Variants in GPHN observed in about 807,000 individuals in gnomAD.
GPHN encodes the protein gephyrin.
A neutral mutation model predicts 95.5 loss-of-function variants in GPHN; 17 were observed. The observed-to-expected ratio is 0.18, with a 90% CI of 0.12 to 0.27. The LOEUF (loss-of-function observed/expected upper bound fraction) is 0.27. Among genes scored for constraint, GPHN ranks in the 10% least tolerant of loss-of-function variants. The probability of loss-of-function intolerance (pLI) is 1.00; values close to 1 mark genes in which losing one functional copy is unlikely to be tolerated. For synonymous variants in GPHN, 320 were observed against 322.5 expected (o/e 0.99, Z 0.08); for missense variants, 660 against 978.1 (o/e 0.67, Z 4.34).
rs199941391 is a variant in GPHN at position 67,165,196 on chromosome 14, G to A, written c.1945G>A (p.Gly649Ser). ...PTTFATLDID[G>S]VRKIIFALPG... ...AACATTTGCAACTTTGGATATTGAT[G>A]GTGTAAGAAAAATAATCTTTGCACT... The change falls in exon 20 of 23, where the codon GGT becomes AGT. Residue 649 changes from glycine to serine, a missense_variant. Physicochemically the swap from Gly to Ser is moderately conservative, Grantham distance 56. Coordinates refer to ENST00000478722, the MANE Select transcript of GPHN (RefSeq NM_020806.5). 27 of 1,610,590 alleles carry A rather than the reference G, an allele frequency of 1.7e-5. No individual in the cohort carries two copies. The highest frequency in any genetic ancestry group is 2.2e-5 in the Non-Finnish European group (26 of 1,177,036).
At chr14:67,577,765 GT>G in the GPHN span, among the ~76,000 whole-genome samples, 1 of 151,740 alleles carries the variant, frequency 6.6e-6, no homozygotes, top group Non-Finnish European at 1.5e-5. Context: ...TTCTGTTTTT[GT>G]TTTTGTTTTT....
intron 19 of GPHN, among the ~76,000 whole-genome samples, chr14:67,160,366 G>A (rs2081901882): frequency 6.6e-6 from 1 of 151,804 alleles, no homozygotes; most frequent in Non-Finnish European, 1.5e-5. Context: ...GTTTCATTAA[G>A]TAGGCTTTCA....
intron 8 of GPHN, 54 bp downstream of exon 8, chr14:66,924,346 T>G: frequency 1.1e-6 from 1 of 947,232 alleles, no homozygotes; most frequent in South Asian, 1.3e-5. Flanking sequence ...TTCTACTTCC[T>G]CTCCTTGGAG....
intron 10 of GPHN, among the ~76,000 whole-genome samples, chr14:67,036,970 A>G (rs1280878645): frequency 6.6e-6 from 1 of 152,014 alleles, no homozygotes; most frequent in African/African-American, 2.4e-5. Context: ...GTCCTGGGAC[A>G]ACCAAAATAA....
the GPHN span, among the ~76,000 whole-genome samples, chr14:67,632,730 G>C: frequency 6.8e-6 from 1 of 147,846 alleles, no homozygotes; most frequent in South Asian, 2.2e-4. Flanking sequence ...AATTTGAAAA[G>C]CACACAAATA....
chr14:66,855,488 T>C (rs1230368251), intron 4 of GPHN, among the ~76,000 whole-genome samples: 1 of 152,196 alleles, frequency 6.6e-6, no homozygotes, highest in East Asian at 1.9e-4. Flanking sequence ...TGAATAATAT[T>C]CTATTATATG....
the GPHN span, chr14:67,201,666 T>C: frequency 2.6e-6 from 1 of 386,034 alleles, no homozygotes; most frequent in Non-Finnish European, 5.2e-6. Context: ...ATTTAATCCC[T>C]GAGCTGGGTC....
the GPHN span, among the ~76,000 whole-genome samples, chr14:67,325,825 T>TC: frequency 6.6e-6 from 1 of 151,930 alleles, no homozygotes; most frequent in East Asian, 1.9e-4. Flanking sequence ...TTTTTTTTTT[T>TC]TGAGACAGAG....
chr14:66,780,885 A>T (rs2059580118), intron 3 of GPHN, among the ~76,000 whole-genome samples: 1 of 152,208 alleles, frequency 6.6e-6, no homozygotes, highest in Non-Finnish European at 1.5e-5. Flanking sequence ...GTAATCTTAA[A>T]TTGTCTAAAC....
the GPHN span, among the ~76,000 whole-genome samples, chr14:67,250,904 G>GA: frequency 1.3e-5 from 2 of 152,124 alleles, no homozygotes; most frequent in Non-Finnish European, 2.9e-5. Flanking sequence ...CTCTTATCCA[G>GA]AATTGTATCC....
the GPHN span, chr14:67,569,986 G>A: frequency 6.2e-7 from 1 of 1,606,404 alleles, no homozygotes; most frequent in South Asian, 1.1e-5. Flanking sequence ...GAATGTCACT[G>A]TGCCTGTCTA....
intron 4 of GPHN, among the ~76,000 whole-genome samples, chr14:66,826,438 T>G (rs956986552): frequency 6.6e-6 from 1 of 152,138 alleles, no homozygotes; most frequent in African/African-American, 2.4e-5. Flanking sequence ...CTACCAGGAA[T>G]TAGTACTAGA....
rs1439201516 is a variant in GPHN, at chr14:66,641,664, AAAAG to A, written c.65-39441_65-39438del. Among the ~76,000 whole-genome samples the A allele has an allele frequency of 2.5e-4, 38 of 151,490 alleles. No homozygotes were observed. In the South Asian group the frequency reaches 7.9e-3, roughly 31 times the overall value. ...AGAACAAGTAGATGACAAAAAAAAAAAAAGAGAGAGGTAGAGCACATTTTTACAG... is the reference window on the plus strand; with the variant it reads ...AGAACAAGTAGATGACAAAAAAAAAAAGAGAGGTAGAGCACATTTTTACAG... On this transcript the variant is annotated intron_variant, in intron 1 of 22. Transcript: ENST00000478722.
intron 3 of GPHN, among the ~76,000 whole-genome samples, chr14:66,814,953 A>G (rs1268915883): frequency 6.6e-6 from 1 of 152,234 alleles, no homozygotes; most frequent in Non-Finnish European, 1.5e-5. Context: ...AATAGCCAGT[A>G]CTGAAAAGAA....
chr14:67,731,314 A>G, the GPHN span, among the ~76,000 whole-genome samples: 23 of 148,726 alleles, frequency 1.5e-4, no homozygotes, highest in African/African-American at 5.7e-4. Context: ...TCCTGGGTTC[A>G]AGGGATCCTC....
intron 1 of GPHN, among the ~76,000 whole-genome samples, chr14:66,605,485 C>T (rs923587949): frequency 8.7e-5 from 13 of 149,808 alleles, no homozygotes; most frequent in Admixed American, 2.0e-4. Context: ...TTCTTGGCCA[C>T]TTACAATGTC....
chr14:66,535,376 A>G (rs2059106107), intron 1 of GPHN, among the ~76,000 whole-genome samples: 1 of 152,110 alleles, frequency 6.6e-6, no homozygotes, highest in South Asian at 2.1e-4. Flanking sequence ...TCTATACTAA[A>G]TCTTGGTATC....
At chr14:67,664,159 C>T in the GPHN span, among the ~76,000 whole-genome samples, 2 of 152,134 alleles carry the variant, frequency 1.3e-5, no homozygotes, top group African/African-American at 4.8e-5. Context: ...ATAAAATTTA[C>T]CATTTTGACC....
At chr14:67,687,466 CCTTTT>C in the GPHN span, among the ~76,000 whole-genome samples, 4 of 116,702 alleles carry the variant, frequency 3.4e-5, no homozygotes, top group Non-Finnish European at 6.9e-5. Context: ...CCTCCATATT[CCTTTT>C]TTTTTTTTTT....
Sources: allele counts gnomAD v4.1 joint callset (sites outside exome capture counted in the v4.1 genomes callset), GRCh38; gene constraint gnomAD v4.1.1; transcripts MANE v1.5; gene names NCBI Gene and HGNC (gene_info 2026-07-23, HGNC 2026-07-21).